CCNJ: variants seen among roughly 807,000 people sequenced by gnomAD.
CCNJ encodes the protein cyclin J.
A neutral mutation model predicts 41.4 loss-of-function variants in CCNJ; 12 were observed. The observed-to-expected ratio is 0.29, with a 90% CI of 0.19 to 0.47. CCNJ has a LOEUF of 0.47. CCNJ is among the 20% of genes least tolerant of loss of function. The pLI, the probability that CCNJ is intolerant of heterozygous loss-of-function variation, is 1.00. For synonymous variants in CCNJ, 161 were observed against 173.4 expected, an observed-to-expected ratio of 0.93 and a Z score of 0.56; for missense variants, 340 against 464.6, an observed-to-expected ratio of 0.73 and a Z score of 2.47.
At chr10:96,054,367 A>G (rs1190497027) in intron 3 of CCNJ, among the ~76,000 whole-genome samples, 4 of 152,328 alleles carry the variant, frequency 2.6e-5, no homozygotes, top group Non-Finnish European at 5.9e-5. Flanking sequence ...CAGGTACTCA[A>G]TTGACATTAT....
In CCNJ at chr10:96,056,942, A is replaced by G; in HGVS notation, c.522A>G (p.Glu174=). 6.2e-7 allele frequency: 1 copy of G among 1,614,204 alleles called. No individual in the cohort carries two copies. The highest frequency in any genetic ancestry group is 1.6e-4 in the Middle Eastern group (1 of 6,062). ...ACGGCTGGCCAATGATTTGCTTGGA[A>G]AAGACTAAACTCTACATGGCCAAAT... The part of the protein sequence containing the change: ...LHDGWPMICL[E]KTKLYMAKYA... The change falls in exon 4 of 6, where the codon GAA becomes GAG. Residue 174 remains glutamate, a synonymous_variant. Coordinates refer to ENST00000465148, the MANE Select transcript of CCNJ (RefSeq NM_001134375.2).
intron 3 of CCNJ, among the ~76,000 whole-genome samples, chr10:96,054,715 C>T (rs2080631524): frequency 6.6e-6 from 1 of 152,144 alleles, no homozygotes; most frequent in Non-Finnish European, 1.5e-5. Flanking sequence ...ATTGGCCAAC[C>T]TCGCTACCTT....
intron 2 of CCNJ, among the ~76,000 whole-genome samples, chr10:96,048,446 G>A (rs547649318): frequency 7.2e-5 from 11 of 152,166 alleles, no homozygotes; most frequent in Non-Finnish European, 1.6e-4. Context: ...GCCAGCAGCT[G>A]TCATAACATA....
chr10:96,046,139 A>G (rs1285149258), intron 2 of CCNJ, among the ~76,000 whole-genome samples: 3 of 152,080 alleles, frequency 2.0e-5, no homozygotes, highest in Non-Finnish European at 2.9e-5. Flanking sequence ...TAGTTTCTGG[A>G]GCATCCAAGG....
chr10:96,055,804 TTTTC>T (rs1483559251), intron 3 of CCNJ, among the ~76,000 whole-genome samples: 1 of 152,192 alleles, frequency 6.6e-6, no homozygotes, highest in Non-Finnish European at 1.5e-5. Flanking sequence ...CATGCCCCTT[TTTTC>T]TTTAACAGAC....
intron 3 of CCNJ, among the ~76,000 whole-genome samples, chr10:96,056,038 A>G (rs183902281): frequency 3.9e-4 from 59 of 152,344 alleles, no homozygotes; most frequent in African/African-American, 1.2e-3. Flanking sequence ...GGCCGGGCGC[A>G]GTGGCTCACG....
intron 2 of CCNJ, among the ~76,000 whole-genome samples, 173 bp downstream of exon 2, chr10:96,044,635 G>A (rs2080310763): frequency 6.6e-6 from 1 of 152,222 alleles, no homozygotes; most frequent in Non-Finnish European, 1.5e-5. Flanking sequence ...TCTCTGGGAT[G>A]TATCAAAAGA....
Position 96,060,606 on chromosome 10 carries a change from T to C in CCNJ, c.*2365T>C, listed in dbSNP as rs1427214262. 2 of 150,512 alleles carry C rather than the reference T, an allele frequency of 1.3e-5. No homozygotes were observed. The highest frequency in any genetic ancestry group is 1.4e-4 in the Admixed American group (2 of 14,812). The allele number at this position is 150,512 out of a possible 1,614,324, so 9.3% of individuals were successfully genotyped here. ...TGTGGGTTTTGTTTTGTTTAATTTATTGATTAGTCTTTAAAGTAGGCTTTT... is the reference window on the plus strand; with the variant it reads ...TGTGGGTTTTGTTTTGTTTAATTTACTGATTAGTCTTTAAAGTAGGCTTTT... On this transcript the variant is annotated 3_prime_UTR_variant, in exon 6 of 6. Coordinates refer to ENST00000465148, the MANE Select transcript of CCNJ (RefSeq NM_001134375.2).
At chr10:96,057,755 G>T in intron 5 of CCNJ, 75 bp from the exon 6 acceptor site, 1 of 1,389,708 alleles carries the variant, frequency 7.2e-7, no homozygotes. Context: ...GTTGAGTTGG[G>T]GATGGGGCAT....
rs1488931381 is a variant in CCNJ at position 96,056,919 on chromosome 10, G to A, written c.499G>A (p.Gly167Ser). ...EAVHETDLHD[G>S]WPMICLEKTK... ...AGTACACGAAACAGATCTTCATGAC[G>A]GCTGGCCAATGATTTGCTTGGAAAA... is the stretch of plus-strand genomic sequence containing the variant. The change falls in exon 4 of 6, where the codon GGC becomes AGC. Residue 167 changes from glycine to serine, a missense_variant. Gly to Ser is a moderately conservative substitution (Grantham distance 56). Transcript: ENST00000465148. The A allele has an allele frequency of 9.3e-6, 15 of 1,614,004 alleles. No homozygotes were observed. The highest frequency in any genetic ancestry group is 3.3e-5 in the South Asian group (3 of 91,082).
intron 3 of CCNJ, among the ~76,000 whole-genome samples, chr10:96,053,249 C>G (rs1469571460): frequency 8.3e-6 from 1 of 120,424 alleles, no homozygotes; most frequent in Non-Finnish European, 1.8e-5. Context: ...GATGGATTCC[C>G]TGGGTTGGAG....
intron 2 of CCNJ, among the ~76,000 whole-genome samples, chr10:96,045,200 G>A (rs2080329098): frequency 6.6e-6 from 1 of 152,164 alleles, no homozygotes; most frequent in East Asian, 1.9e-4. Flanking sequence ...ATTAAGTAAC[G>A]GTTTTACTCT....
chr10:96,048,327 A>C (rs1260520996), intron 2 of CCNJ, among the ~76,000 whole-genome samples: 4 of 152,184 alleles, frequency 2.6e-5, no homozygotes, highest in Non-Finnish European at 5.9e-5. Context: ...GTAAAAGGGT[A>C]TTTCTGCCTC....
At chr10:96,044,776 C>T (rs1373755744) in intron 2 of CCNJ, among the ~76,000 whole-genome samples, 3 of 152,162 alleles carry the variant, frequency 2.0e-5, no homozygotes, top group Non-Finnish European at 4.4e-5. Flanking sequence ...TTTTGTTGGG[C>T]AGAACAGCCC....
chr10:96,056,588 G>A (rs1461032776), intron 3 of CCNJ, 113 bp from the exon 4 acceptor site: 9 of 744,780 alleles, frequency 1.2e-5, no homozygotes, highest in South Asian at 5.7e-5. Flanking sequence ...AGGTAAGTAC[G>A]TCTTTGGATC....
intron 1 of CCNJ, among the ~76,000 whole-genome samples, 161 bp from the exon 2 acceptor site, chr10:96,044,192 G>A (rs1207351719): frequency 2.0e-5 from 3 of 152,330 alleles, no homozygotes; most frequent in South Asian, 2.1e-4. Flanking sequence ...CCGGCTTCGC[G>A]TGTGGCGTTG....
chr10:96,044,289 G>A (rs760150128), intron 1 of CCNJ, 64 bp from the exon 2 acceptor site: 21 of 899,936 alleles, frequency 2.3e-5, no homozygotes, highest in Non-Finnish European at 3.1e-5. Context: ...CACACCCCCC[G>A]GGGAGGGGGC....
chr10:96,050,946 G>C (rs2080504240), intron 3 of CCNJ, among the ~76,000 whole-genome samples: 1 of 152,136 alleles, frequency 6.6e-6, no homozygotes, highest in African/African-American at 2.4e-5. Flanking sequence ...CTGGGATGCT[G>C]CTAAACATCC....
In CCNJ at chr10:96,053,904, ATTTG is replaced by A. The variant is rs60972255; in HGVS notation, c.281-2795_281-2792del. Reference sequence around the variant, plus strand: ...TTTTTATATTAGATTCATTTTATAAATTTGTGATAATTCTTAGTGTATGTTAGGG... The same window carrying A: ...TTTTTATATTAGATTCATTTTATAAATGATAATTCTTAGTGTATGTTAGGG... On this transcript the variant is annotated intron_variant, in intron 3 of 5. Coordinates refer to ENST00000465148, the MANE Select transcript of CCNJ (RefSeq NM_001134375.2). Among the ~76,000 whole-genome samples the A allele has an allele frequency of 9.8e-3, 1,497 of 152,184 alleles. 27 individuals are homozygous for A. The highest frequency in any genetic ancestry group is 0.035 in the African/African-American group (1,438 of 41,512).
Sources: gnomAD v4.1 joint callset for allele counts (sites outside exome capture counted in the v4.1 genomes callset) on GRCh38, gnomAD v4.1.1 for gene constraint, MANE v1.5 for transcripts, NCBI Gene and HGNC (gene_info 2026-07-23, HGNC 2026-07-21) for gene names.